RASA2: variants seen among roughly 807,000 people sequenced by gnomAD.
RASA2 encodes RAS p21 protein activator 2, also known as ras GTPase-activating protein 2.
RASA2 carries 155 observed loss-of-function variants against 118.2 expected under a neutral mutation model. The ratio of observed to expected loss-of-function variants is 1.31; its 90% CI spans 1.15 to 1.50. RASA2 has a LOEUF of 1.50. Ranked by LOEUF, RASA2 falls within the 40% of genes most tolerant of loss-of-function variation. The pLI, the probability that RASA2 is intolerant of heterozygous loss-of-function variation, is 0.00. For synonymous variants in RASA2, 353 were observed against 349.1 expected, an observed-to-expected ratio of 1.01 and a Z score of -0.12; for missense variants, 1,016 against 1,009.6, an observed-to-expected ratio of 1.01 and a Z score of -0.09.
intron 6 of RASA2, among the ~76,000 whole-genome samples, chr3:141,554,146 T>G (rs1376181556): frequency 1.3e-5 from 2 of 152,218 alleles, no homozygotes; most frequent in African/African-American, 4.8e-5. Flanking sequence ...GTACCCCATT[T>G]TAAATCTGCC....
In RASA2 at chr3:141,487,061, TG is replaced by T; in HGVS notation, c.-22del. 2 of 1,245,830 alleles carry T rather than the reference TG, an allele frequency of 1.6e-6. No individual in the cohort carries two copies. Among genetic ancestry groups the T allele is most frequent in the Non-Finnish European group, 2.0e-6 (2 of 989,110 alleles). The allele number at this position is 1,245,830 out of a possible 1,614,324, so 77.2% of individuals were successfully genotyped here. A position where few individuals can be genotyped will look rare whatever the true frequency, so the allele number is the denominator to read the frequency against. ...CGCCCGGCTACGCAGGCGGCAGGGC[TG>T]CGGCACGGGCCGGGCGGCACCATGG... is the stretch of plus-strand genomic sequence containing the variant. On this transcript the variant is annotated 5_prime_UTR_variant, in exon 1 of 24. Transcript: ENST00000286364.
At chr3:141,589,024 T>G (rs1169281336) in intron 19 of RASA2, among the ~76,000 whole-genome samples, 1 of 152,044 alleles carries the variant, frequency 6.6e-6, no homozygotes, top group Non-Finnish European at 1.5e-5. Flanking sequence ...ATATTTTTAG[T>G]GGAGACAGGG....
intron 4 of RASA2, among the ~76,000 whole-genome samples, chr3:141,538,889 G>A (rs2082366374): frequency 2.0e-5 from 3 of 152,064 alleles, no homozygotes; most frequent in African/African-American, 7.2e-5. Context: ...GATTTTAGTT[G>A]TAAACAAAAT....
At position 141,558,382 on chromosome 3, in the gene RASA2, C is replaced by T. The variant is rs543767825; in HGVS notation, c.685-504C>T. Among the ~76,000 whole-genome samples, 267 of 152,202 alleles carry T rather than the reference C, an allele frequency of 1.8e-3. 1 individual carries two copies. The highest frequency in any genetic ancestry group is 6.1e-3 in the African/African-American group (252 of 41,526). ...TGCCAAGGTAGTGCCCAGGTAAATT[C>T]TATAGAGTGTTTCTGGGAAAGGAGA... On this transcript the variant is annotated intron_variant, in intron 7 of 23. Coordinates refer to ENST00000286364, the MANE Select transcript of RASA2 (RefSeq NM_006506.5).
Position 141,607,722 on chromosome 3 carries a change from G to A in RASA2, c.1978G>A (p.Val660Met). The change falls in exon 20 of 24, where the codon GTG (valine) becomes ATG (methionine). Residue 660 changes from valine to methionine, a missense_variant. This residue lies in a region of RASA2 where 896 missense variants were observed against 836.4 expected (regional missense o/e 1.07). Transcript: ENST00000286364. ...YTIPVKNILA[V>M]EKLEESSFNK... ...AATCCCAGTAAAAAACATTCTTGCT[G>A]TGGAAAAACTGGAAGAGAGCTCTTT... is the stretch of plus-strand genomic sequence containing the variant. 3.7e-6 allele frequency: 6 copies of A among 1,601,136 alleles called. No homozygotes were observed. Among genetic ancestry groups the A allele is most frequent in the South Asian group, 1.1e-5 (1 of 88,054 alleles).
At position 141,612,577 on chromosome 3, in the gene RASA2, G is replaced by T. The variant is rs1341266245; in HGVS notation, c.*264G>T. The T allele has an allele frequency of 2.1e-5, 7 of 331,292 alleles. No homozygotes were observed. In the South Asian group the frequency reaches 3.4e-4, roughly 16 times the overall value. The allele number at this position is 331,292 out of a possible 1,614,324, so 20.5% of individuals were successfully genotyped here. ...TTCTGCAACTTCTTTTTAATCGAAAGAATCTTCCTAGAAAAGCTTTGTAAC... is the reference window on the plus strand; with the variant it reads ...TTCTGCAACTTCTTTTTAATCGAAATAATCTTCCTAGAAAAGCTTTGTAAC... On this transcript the variant is annotated 3_prime_UTR_variant, in exon 24 of 24. Transcript: ENST00000286364.
intron 1 of RASA2, 34 bp downstream of exon 1, chr3:141,487,250 C>A: frequency 7.8e-7 from 1 of 1,283,396 alleles, no homozygotes; most frequent in Non-Finnish European, 9.9e-7. Flanking sequence ...GACGCCCTGG[C>A]GGCGCTGGGC....
chr3:141,559,375 A>G lies in RASA2; in HGVS notation c.761+413A>G, dbSNP rs371869364. ...GGTAAGAAGATAATTCAACAGGTGC[A>G]TGTGTTTGAAGTTTGTGCTGTTTCC... On this transcript the variant is annotated intron_variant, in intron 8 of 23. Transcript: ENST00000286364. Among the ~76,000 whole-genome samples, 29 of 152,190 alleles carry G rather than the reference A, an allele frequency of 1.9e-4. 1 individual carries two copies. In the East Asian group the frequency reaches 3.5e-3, roughly 18 times the overall value.
intron 1 of RASA2, 103 bp downstream of exon 1, chr3:141,487,319 G>A: frequency 8.5e-7 from 1 of 1,174,352 alleles, no homozygotes; most frequent in Non-Finnish European, 1.1e-6. Flanking sequence ...CGCTGGGATC[G>A]CGGGCCCGGG....
chr3:141,560,702 GT>G (rs1369981156), intron 9 of RASA2, among the ~76,000 whole-genome samples: 1 of 152,148 alleles, frequency 6.6e-6, no homozygotes, highest in Non-Finnish European at 1.5e-5. Flanking sequence ...TTAAAAGCGT[GT>G]GTATCCTTTC....
At chr3:141,503,345 A>AGCT (rs1388785509) in intron 1 of RASA2, among the ~76,000 whole-genome samples, 2 of 152,200 alleles carry the variant, frequency 1.3e-5, no homozygotes, top group Non-Finnish European at 2.9e-5. Context: ...CTTTGATAGT[A>AGCT]GCCTGATATT....
At chr3:141,562,609 G>A (rs147869022) in intron 9 of RASA2, among the ~76,000 whole-genome samples, 2,979 of 150,052 alleles carry the variant, frequency 0.02, 110 homozygotes, top group African/African-American at 0.07. Context: ...GAGACAGAGC[G>A]AGACTCCGTC....
chr3:141,551,021 T>A (rs933590207), intron 5 of RASA2, among the ~76,000 whole-genome samples: 1 of 152,252 alleles, frequency 6.6e-6, no homozygotes, highest in Non-Finnish European at 1.5e-5. Flanking sequence ...TTAAATGTCT[T>A]TGTCTGCTAG....
At chr3:141,607,230 T>G (rs528596992) in intron 19 of RASA2, among the ~76,000 whole-genome samples, 2 of 152,146 alleles carry the variant, frequency 1.3e-5, no homozygotes, top group Non-Finnish European at 2.9e-5. Context: ...GGTTAATCCC[T>G]TCATTAAATT....
At chr3:141,565,753 C>A (rs1331698255) in intron 9 of RASA2, among the ~76,000 whole-genome samples, 1 of 152,188 alleles carries the variant, frequency 6.6e-6, no homozygotes, top group Non-Finnish European at 1.5e-5. Flanking sequence ...TCTGTATTAG[C>A]AGCATAAGGA....
intron 15 of RASA2, among the ~76,000 whole-genome samples, chr3:141,579,982 G>A (rs2083075974): frequency 6.9e-6 from 1 of 144,830 alleles, no homozygotes; most frequent in Non-Finnish European, 1.5e-5. Flanking sequence ...CTTGAACCCA[G>A]AAGGTGGAGG....
intron 19 of RASA2, among the ~76,000 whole-genome samples, chr3:141,592,369 G>T (rs957400050): frequency 1.3e-5 from 2 of 152,198 alleles, no homozygotes; most frequent in African/African-American, 4.8e-5. Flanking sequence ...GAAAGCTCTT[G>T]TGGCTGGAAA....
chr3:141,493,897 AC>A (rs1344419813), intron 1 of RASA2, among the ~76,000 whole-genome samples: 1 of 152,202 alleles, frequency 6.6e-6, no homozygotes, highest in Non-Finnish European at 1.5e-5. Context: ...TATTCCTTCC[AC>A]CAACATACAA....
intron 4 of RASA2, among the ~76,000 whole-genome samples, chr3:141,530,890 G>A (rs1014592980): frequency 6.6e-6 from 1 of 152,084 alleles, no homozygotes; most frequent in Non-Finnish European, 1.5e-5. Context: ...TGAAGAAGTG[G>A]AAAGTGTTTA....
Sources: gnomAD v4.1 joint callset for allele counts (sites outside exome capture counted in the v4.1 genomes callset) on GRCh38, gnomAD v4.1.1 for gene constraint, gnomAD v4.1.1 regional missense constraint, MANE v1.5 for transcripts, NCBI Gene and HGNC (gene_info 2026-07-23, HGNC 2026-07-21) for gene names.